NSL1: variants seen among roughly 807,000 people sequenced by gnomAD.
NSL1 encodes kinetochore-associated protein NSL1 homolog.
NSL1 carries 11 observed loss-of-function variants against 25.4 expected under a neutral mutation model. The observed-to-expected ratio is 0.43, with a 90% CI of 0.27 to 0.72. NSL1 has a LOEUF of 0.72. Ranked by LOEUF, NSL1 falls within the 30% of genes least tolerant of loss-of-function variation. The pLI, the probability that NSL1 is intolerant of heterozygous loss-of-function variation, is 0.19. For missense variants in NSL1, 330 were observed against 342.7 expected (o/e 0.96, Z 0.29); for synonymous variants, 118 against 120.6 (o/e 0.98, Z 0.14).
chr1:212,761,395 C>G (rs369728442), intron 4 of NSL1, among the ~76,000 whole-genome samples: 3 of 152,190 alleles, frequency 2.0e-5, no homozygotes, highest in South Asian at 4.1e-4. Flanking sequence ...ACAAAAATTA[C>G]AAAAAATTAT....
chr1:212,791,749 A>T lies in NSL1; in HGVS notation c.15T>A (p.Pro5=), dbSNP rs770800759. The stretch of plus-strand genomic sequence containing the variant: ...ATGGAGGGTCAAGGACCACCAACTC[A>T]GGAGACCCCGCCATTTTTCGTCGGA... The part of the protein sequence containing the change: MAGS[P]ELVVLDPPWD... The change falls in exon 1 of 6, where the codon CCT becomes CCA. Residue 5 remains proline, a synonymous_variant. Coordinates refer to ENST00000366977, the MANE Select transcript of NSL1 (RefSeq NM_015471.4). The T allele has an allele frequency of 1.2e-6, 2 of 1,606,544 alleles. No individual in the cohort carries two copies. Among genetic ancestry groups the T allele is most frequent in the Non-Finnish European group, 1.7e-6 (2 of 1,175,604 alleles).
chr1:212,771,821 T>C (rs1660131607), intron 4 of NSL1, among the ~76,000 whole-genome samples: 1 of 152,058 alleles, frequency 6.6e-6, no homozygotes, highest in Non-Finnish European at 1.5e-5. Context: ...AAGACCTCTA[T>C]AAGGAAAACT....
At chr1:212,773,134 G>C (rs566640869) in intron 4 of NSL1, among the ~76,000 whole-genome samples, 5 of 152,154 alleles carry the variant, frequency 3.3e-5, no homozygotes, top group Non-Finnish European at 7.4e-5. Context: ...TCCAGGCAAA[G>C]ATTTTACGGC....
chr1:212,750,143 C>T (rs372692647), intron 4 of NSL1, among the ~76,000 whole-genome samples: 5 of 151,576 alleles, frequency 3.3e-5, no homozygotes. Flanking sequence ...GAGTGCCTAA[C>T]GTGTACAGTA....
At position 212,735,440 on chromosome 1, in the gene NSL1, T is replaced by C. The variant is rs1236001478; in HGVS notation, c.*2968A>G. On this transcript the variant is annotated 3_prime_UTR_variant, in exon 6 of 6. Coordinates refer to ENST00000366977, the MANE Select transcript of NSL1 (RefSeq NM_015471.4). The stretch of plus-strand genomic sequence containing the variant: ...AAAAAGTACATCTTACAAGATGAAA[T>C]CATACTGTTTGAAGCAATAAAAAAT... The C allele has an allele frequency of 2.0e-6, 2 of 985,278 alleles. No homozygotes were observed. Among genetic ancestry groups the C allele is most frequent in the East Asian group, 1.1e-4 (1 of 8,826 alleles). The allele number at this position is 985,278 out of a possible 1,614,324, so 61.0% of individuals were successfully genotyped here.
In NSL1 at chr1:212,728,335, G is replaced by C. The variant is rs1657871015; in HGVS notation, c.*10073C>G. On this transcript the variant is annotated 3_prime_UTR_variant, in exon 6 of 6. Transcript: ENST00000366977. ...CATAAAGTGGATTCTTTATATGCCT[G>C]TTTTAAAAATATGCTGCTTTAAACA... 1.0e-6 allele frequency: 1 copy of C among 985,224 alleles called. No homozygotes were observed. Among genetic ancestry groups the C allele is most frequent in the Non-Finnish European group, 1.2e-6 (1 of 829,872 alleles). 61.0% of individuals were successfully genotyped at this position (985,224 alleles called of 1,614,324 possible).
intron 4 of NSL1, among the ~76,000 whole-genome samples, chr1:212,759,685 C>T (rs1659471068): frequency 6.6e-6 from 1 of 152,278 alleles, no homozygotes; most frequent in Middle Eastern, 3.4e-3. Context: ...AAAGCCCCTA[C>T]ATCTCCACAT....
intron 4 of NSL1, among the ~76,000 whole-genome samples, chr1:212,764,339 C>G (rs113222752): frequency 6.6e-6 from 1 of 152,002 alleles, no homozygotes; most frequent in Non-Finnish European, 1.5e-5. Context: ...ATAGCACAGA[C>G]AATTTAATGT....
rs186441342 is a variant in NSL1 at position 212,727,389 on chromosome 1, T to C, written c.*11019A>G. The C allele has an allele frequency of 3.5e-5, 34 of 985,326 alleles. No individual in the cohort carries two copies. The East Asian group carries it at 1.5e-3, about 43-fold the overall frequency. 61.0% of individuals were successfully genotyped at this position (985,326 alleles called of 1,614,324 possible). A position where few individuals can be genotyped will look rare whatever the true frequency, so the allele number is the denominator to read the frequency against. ...GGTCACTTAACCAGGGAAATAAGTA[T>C]CAGTCAAGTTAATGTTTCCAAAATA... On this transcript the variant is annotated 3_prime_UTR_variant, in exon 6 of 6. Transcript: ENST00000366977.
rs1021110433 is a variant in NSL1, at chr1:212,726,972, T to C, written c.*11436A>G. 1 of 685,616 alleles carries C rather than the reference T, an allele frequency of 1.5e-6. No homozygotes were observed. Among genetic ancestry groups the C allele is most frequent in the Non-Finnish European group, 2.3e-6 (1 of 427,590 alleles). 42.5% of individuals were successfully genotyped at this position (685,616 alleles called of 1,614,324 possible). On this transcript the variant is annotated 3_prime_UTR_variant, in exon 6 of 6. Coordinates refer to ENST00000366977, the MANE Select transcript of NSL1 (RefSeq NM_015471.4). ...TGGTGGGTGAAGAGCACAGGGAGAGTGTGCTTCCTGGCTGTGTCCTCTCAG... is the reference window on the plus strand; with the variant it reads ...TGGTGGGTGAAGAGCACAGGGAGAGCGTGCTTCCTGGCTGTGTCCTCTCAG...
At position 212,730,269 on chromosome 1, in the gene NSL1, A is replaced by C; in HGVS notation, c.*8139T>G. On this transcript the variant is annotated 3_prime_UTR_variant, in exon 6 of 6. Transcript: ENST00000366977. ...AAAAAAAAAAAAAAAAAAAAAAGAA[A>C]TGCGCCAAGTCTCAGGTATTTATGG... 1 of 974,434 alleles carries C rather than the reference A, an allele frequency of 1.0e-6. No homozygotes were observed. The highest frequency in any genetic ancestry group is 1.2e-6 in the Non-Finnish European group (1 of 822,344). 60.4% of individuals were successfully genotyped at this position (974,434 alleles called of 1,614,324 possible).
chr1:212,769,450 A>C (rs1659997114), intron 4 of NSL1, among the ~76,000 whole-genome samples: 1 of 152,152 alleles, frequency 6.6e-6, no homozygotes, highest in African/African-American at 2.4e-5. Context: ...CCAGGAGAGA[A>C]TGCAATGATA....
intron 4 of NSL1, among the ~76,000 whole-genome samples, chr1:212,754,753 G>A (rs1571881974): frequency 1.2e-5 from 1 of 80,676 alleles, no homozygotes; most frequent in Non-Finnish European, 2.5e-5. Context: ...TGGGCAACAA[G>A]AGTAAAATTC....
In NSL1 at chr1:212,736,752, A is replaced by C. The variant is rs2102425870; in HGVS notation, c.*1656T>G. On this transcript the variant is annotated 3_prime_UTR_variant, in exon 6 of 6. Coordinates refer to ENST00000366977, the MANE Select transcript of NSL1 (RefSeq NM_015471.4). The stretch of plus-strand genomic sequence containing the variant: ...AAAGTAGAATATAGTCATTACACAG[A>C]TTCAACATTAACAGGATTTTTGTCA... 3.0e-6 allele frequency: 3 copies of C among 984,620 alleles called. No individual in the cohort carries two copies. In the South Asian group the frequency reaches 1.4e-4, roughly 46 times the overall value. 61.0% of individuals were successfully genotyped at this position (984,620 alleles called of 1,614,324 possible).
rs1301667133 is a variant in NSL1 at position 212,729,795 on chromosome 1, T to C, written c.*8613A>G. 1 of 985,310 alleles carries C rather than the reference T, an allele frequency of 1.0e-6. No individual in the cohort carries two copies. The highest frequency in any genetic ancestry group is 1.2e-6 in the Non-Finnish European group (1 of 829,910). The allele number at this position is 985,310 out of a possible 1,614,324, so 61.0% of individuals were successfully genotyped here. ...CTATAAAACGGCTCAAAAGAACAGC[T>C]AGAACATGGAAAAAGCAATGTAATC... On this transcript the variant is annotated 3_prime_UTR_variant, in exon 6 of 6. Transcript: ENST00000366977.
At chr1:212,768,132 C>A (rs947348202) in intron 4 of NSL1, among the ~76,000 whole-genome samples, 1 of 151,976 alleles carries the variant, frequency 6.6e-6, no homozygotes, top group Non-Finnish European at 1.5e-5. Context: ...CCAGCCTGGC[C>A]AATATGGTGA....
intron 4 of NSL1, among the ~76,000 whole-genome samples, chr1:212,772,728 A>G (rs561125034): frequency 1.2e-4 from 18 of 152,220 alleles, no homozygotes; most frequent in South Asian, 6.2e-4. Flanking sequence ...CAAAACCACA[A>G]GAGTCCGAAT....
At chr1:212,762,808 T>C (rs1017890421) in intron 4 of NSL1, among the ~76,000 whole-genome samples, 1 of 152,096 alleles carries the variant, frequency 6.6e-6, no homozygotes, top group Non-Finnish European at 1.5e-5. Flanking sequence ...ATTCCCAGTC[T>C]CCAGCATGAA....
chr1:212,735,817 G>A lies in NSL1; in HGVS notation c.*2591C>T, dbSNP rs1658211765. 2 of 395,308 alleles carry A rather than the reference G, an allele frequency of 5.1e-6. No homozygotes were observed. The highest frequency in any genetic ancestry group is 6.9e-6 in the Non-Finnish European group (2 of 290,498). 24.5% of individuals were successfully genotyped at this position (395,308 alleles called of 1,614,324 possible). A position where few individuals can be genotyped will look rare whatever the true frequency, so the allele number is the denominator to read the frequency against. On this transcript the variant is annotated 3_prime_UTR_variant, in exon 6 of 6. Coordinates refer to ENST00000366977, the MANE Select transcript of NSL1 (RefSeq NM_015471.4). Reference sequence around the variant, plus strand: ...GTAAGGAGGTGGTCATCTACAAGTCGGGAAGACAGCCCTCACCAGAAACTG... The same window carrying A: ...GTAAGGAGGTGGTCATCTACAAGTCAGGAAGACAGCCCTCACCAGAAACTG...
Sources: gnomAD v4.1 joint callset for allele counts (sites outside exome capture counted in the v4.1 genomes callset) on GRCh38, gnomAD v4.1.1 for gene constraint, MANE v1.5 for transcripts, NCBI Gene and HGNC (gene_info 2026-07-23, HGNC 2026-07-21) for gene names.